Variants in MME observed in about 807,000 individuals in gnomAD.
MME encodes the protein membrane metalloendopeptidase, also known as neprilysin.
A neutral mutation model predicts 113.2 loss-of-function variants in MME; 98 were observed. That is an observed-to-expected ratio of 0.87 (90% CI 0.74 to 1.02). MME has a LOEUF of 1.02. Ranked by LOEUF, MME falls within the 50% of genes least tolerant of loss-of-function variation. The pLI, the probability that MME is intolerant of heterozygous loss-of-function variation, is 0.00. For synonymous variants in MME, 292 were observed against 300.6 expected, an observed-to-expected ratio of 0.97 and a Z score of 0.30; for missense variants, 836 against 896.0, an observed-to-expected ratio of 0.93 and a Z score of 0.86.
chr3:155,138,721 A>G (rs180786681), intron 9 of MME, among the ~76,000 whole-genome samples: 34 of 152,276 alleles, frequency 2.2e-4, no homozygotes, highest in South Asian at 4.1e-4. Context: ...CAGGCTGCTG[A>G]GCTGACGGAG....
chr3:155,058,063 G>A (rs1319923371), intron 1 of MME, among the ~76,000 whole-genome samples: 1 of 151,444 alleles, frequency 6.6e-6, no homozygotes, highest in Non-Finnish European at 1.5e-5. Flanking sequence ...TATATTCGAA[G>A]GTACACCAGT....
chr3:155,117,495 A>G (rs145715568), intron 7 of MME, among the ~76,000 whole-genome samples: 2 of 152,300 alleles, frequency 1.3e-5, no homozygotes, highest in Non-Finnish European at 2.9e-5. Flanking sequence ...TATTTTTACA[A>G]ATGTAAACAA....
At chr3:155,174,223 T>A (rs1712276949) in intron 22 of MME, among the ~76,000 whole-genome samples, 2 of 152,168 alleles carry the variant, frequency 1.3e-5, no homozygotes, top group South Asian at 4.1e-4. Flanking sequence ...GAAAACAATA[T>A]TTTGCTATAA....
chr3:155,153,408 A>C (rs1367139187), intron 16 of MME, among the ~76,000 whole-genome samples: 1 of 152,210 alleles, frequency 6.6e-6, no homozygotes, highest in Non-Finnish European at 1.5e-5. Flanking sequence ...AAAGAATTTT[A>C]AACATGTCAT....
At chr3:155,137,000 A>C (rs1475495515) in intron 8 of MME, among the ~76,000 whole-genome samples, 2 of 152,202 alleles carry the variant, frequency 1.3e-5, no homozygotes, top group Admixed American at 1.3e-4. Flanking sequence ...CAATTGGTTC[A>C]AACCTAACAA....
chr3:155,025,528 C>T (rs909675202), intron 1 of MME, among the ~76,000 whole-genome samples: 2 of 149,350 alleles, frequency 1.3e-5, no homozygotes, highest in Admixed American at 6.7e-5. Flanking sequence ...GGAGGCTGAA[C>T]CAGGAGAATC....
intron 8 of MME, among the ~76,000 whole-genome samples, chr3:155,128,404 C>T (rs892318256): frequency 3.3e-5 from 5 of 152,136 alleles, no homozygotes; most frequent in Non-Finnish European, 5.9e-5. Flanking sequence ...TGTCAACCAC[C>T]TTAAGTATTT....
chr3:155,172,322 GA>G, intron 21 of MME, 110 bp downstream of exon 21: 1 of 844,296 alleles, frequency 1.2e-6, no homozygotes, highest in East Asian at 2.5e-5. Context: ...CATTTGACTT[GA>G]TTCACTTTCA....
chr3:155,128,956 ACT>A (rs1429047786), intron 8 of MME, among the ~76,000 whole-genome samples: 2 of 151,590 alleles, frequency 1.3e-5, no homozygotes, highest in African/African-American at 4.8e-5. Flanking sequence ...CATTTTACAA[ACT>A]CTGTGTTCTC....
At chr3:155,099,624 G>C (rs918914562) in intron 3 of MME, among the ~76,000 whole-genome samples, 1 of 152,178 alleles carries the variant, frequency 6.6e-6, no homozygotes, top group African/African-American at 2.4e-5. Context: ...TGACAACACA[G>C]CTTCATAAAA....
At chr3:155,146,320 G>A (rs1184215474) in intron 14 of MME, among the ~76,000 whole-genome samples, 2 of 152,086 alleles carry the variant, frequency 1.3e-5, no homozygotes, top group African/African-American at 4.8e-5. Flanking sequence ...GAGCCCAGGA[G>A]TTTGAGACTA....
At chr3:155,042,956 A>G (rs1432412548) in intron 1 of MME, among the ~76,000 whole-genome samples, 2 of 129,666 alleles carry the variant, frequency 1.5e-5, no homozygotes, top group African/African-American at 3.0e-5. Context: ...ATATATATAT[A>G]TATCACATTT....
In MME at chr3:155,056,704, G is replaced by T. The variant is rs193220580; in HGVS notation, c.-10-27454G>T. Among the ~76,000 whole-genome samples the T allele has an allele frequency of 5.3e-3, 808 of 152,128 alleles. 4 individuals carry two copies. The highest frequency in any genetic ancestry group is 0.019 in the African/African-American group (781 of 41,468). On this transcript the variant is annotated intron_variant, in intron 1 of 22. Transcript: ENST00000492661. ...TTGGGGATATACCCAGTAATGGGAT[G>T]GCTGGGTCAAATGGTATTTCTAGTT...
At chr3:155,104,932 T>C (rs917812396) in intron 3 of MME, among the ~76,000 whole-genome samples, 2 of 152,216 alleles carry the variant, frequency 1.3e-5, no homozygotes, top group Admixed American at 6.5e-5. Context: ...AAATGCAAAT[T>C]GCACCTGAAA....
chr3:155,180,646 G>T lies in MME; in HGVS notation c.*187G>T, dbSNP rs1192107684. The T allele has an allele frequency of 6.6e-6, 4 of 608,148 alleles. No homozygotes were observed. In the South Asian group the frequency reaches 7.3e-5, roughly 11 times the overall value. The allele number at this position is 608,148 out of a possible 1,614,324, so 37.7% of individuals were successfully genotyped here. ...AGAAAGGGTGTGGAGGGAGGAAGGG[G>T]GTCTAAGGTCTATCAAGTCAATCAT... On this transcript the variant is annotated 3_prime_UTR_variant, in exon 23 of 23. Coordinates refer to ENST00000360490, the MANE Select transcript of MME (RefSeq NM_007289.4).
intron 20 of MME, among the ~76,000 whole-genome samples, chr3:155,171,708 T>C (rs556973641): frequency 6.6e-6 from 1 of 152,306 alleles, no homozygotes; most frequent in African/African-American, 2.4e-5. Context: ...CTGGTGAGTC[T>C]ATTTTGCTAA....
intron 3 of MME, chr3:155,085,401 A>G (rs1414516864): frequency 4.7e-6 from 1 of 211,318 alleles, no homozygotes; most frequent in Non-Finnish European, 9.3e-6. Context: ...TGAAATGGTA[A>G]GTTTCGTATC....
chr3:155,147,151 C>T lies in MME; in HGVS notation c.1424C>T (p.Ala475Val). 5 of 1,594,216 alleles carry T rather than the reference C, an allele frequency of 3.1e-6. No homozygotes were observed. The highest frequency in any genetic ancestry group is 4.3e-6 in the Non-Finnish European group (5 of 1,162,252). The change falls in exon 15 of 23, where the codon GCA becomes GTA. Residue 475 changes from alanine (A) to valine (V), a missense_variant. Transcript: ENST00000360490. ...TKKRAEEKAL[A>V]IKERIGYPDD... ...ATATTATAATTTTCATAGGCCTTAG[C>T]AATTAAAGAAAGGATCGGCTATCCT...
intron 1 of MME, among the ~76,000 whole-genome samples, chr3:155,026,462 AC>A (rs1712791841): frequency 6.6e-6 from 1 of 152,118 alleles, no homozygotes; most frequent in Non-Finnish European, 1.5e-5. Flanking sequence ...AGTGGCTCAC[AC>A]CTGTAATCCC....
Sources: gnomAD v4.1 joint callset for allele counts (sites outside exome capture counted in the v4.1 genomes callset) on GRCh38, gnomAD v4.1.1 for gene constraint, MANE v1.5 for transcripts, NCBI Gene and HGNC (gene_info 2026-07-23, HGNC 2026-07-21) for gene names.